Variants in KLHDC2 observed in about 807,000 individuals in gnomAD.
KLHDC2 encodes kelch domain-containing protein 2.
Under a neutral mutation model 62.3 loss-of-function variants are expected in KLHDC2, and 38 were observed. The ratio of observed to expected loss-of-function variants is 0.61; its 90% confidence interval spans 0.47 to 0.80. The LOEUF is 0.80. Among genes scored for constraint, KLHDC2 ranks in the 30% least tolerant of loss-of-function variants. KLHDC2 has a pLI of 0.00. For synonymous variants in KLHDC2, 159 were observed against 161.0 expected (o/e 0.99, Z 0.09); for missense variants, 430 against 495.3 (o/e 0.87, Z 1.25).
intron 1 of KLHDC2, among the ~76,000 whole-genome samples, chr14:49,770,121 T>C (rs893249505): frequency 3.3e-5 from 5 of 151,716 alleles, no homozygotes; most frequent in Non-Finnish European, 7.4e-5. Flanking sequence ...ACTTTGGGAG[T>C]GGGGCAGGGG....
intron 6 of KLHDC2, among the ~76,000 whole-genome samples, chr14:49,778,827 G>A (rs1889826453): frequency 6.6e-6 from 1 of 151,692 alleles, no homozygotes; most frequent in South Asian, 2.1e-4. Context: ...AGGTTCAAGC[G>A]ATTCTCCTGC....
At chr14:49,769,507 A>G (rs1337564977) in intron 1 of KLHDC2, among the ~76,000 whole-genome samples, 2 of 152,200 alleles carry the variant, frequency 1.3e-5, no homozygotes, top group African/African-American at 4.8e-5. Context: ...TGACTTGATC[A>G]TAGTTGACCA....
chr14:49,785,393 T>G lies in KLHDC2; in HGVS notation c.*2440T>G, dbSNP rs905490354. ...ACAAAAAATGCTAAAACACTTGAAT[T>G]AGTATCTCAACATATTTTTTATCTT... On this transcript the variant is annotated 3_prime_UTR_variant, in exon 13 of 13. Coordinates refer to ENST00000298307, the MANE Select transcript of KLHDC2 (RefSeq NM_014315.3). The G allele has an allele frequency of 1.4e-5, 13 of 955,222 alleles. No homozygotes were observed. The highest frequency in any genetic ancestry group is 1.9e-5 in the Non-Finnish European group (11 of 584,558). 59.2% of individuals were successfully genotyped at this position (955,222 alleles called of 1,614,324 possible). A position where few individuals can be genotyped will look rare whatever the true frequency, so the allele number is the denominator to read the frequency against.
intron 12 of KLHDC2, 24 bp from the exon 13 acceptor site, chr14:49,782,806 T>C (rs531289598): frequency 1.2e-6 from 2 of 1,604,474 alleles, no homozygotes; most frequent in Admixed American, 1.7e-5. Context: ...GAAATTACTT[T>C]TCTCTTTCCT....
chr14:49,778,156 G>C, intron 4 of KLHDC2, 22 bp from the exon 5 acceptor site: 1 of 1,505,834 alleles, frequency 6.6e-7, no homozygotes, highest in South Asian at 1.2e-5. Flanking sequence ...AATTTTTAGT[G>C]TCTTGGTTTT....
Position 49,784,693 on chromosome 14 carries a change from G to A in KLHDC2, c.*1740G>A. 2.5e-6 allele frequency: 4 copies of A among 1,612,726 alleles called. No homozygotes were observed. Among genetic ancestry groups the A allele is most frequent in the Non-Finnish European group, 3.4e-6 (4 of 1,179,046 alleles). On this transcript the variant is annotated 3_prime_UTR_variant, in exon 13 of 13. Transcript: ENST00000298307. ...CAGACACTTTCACTTTGCCAGGAAT[G>A]TTTCTTGATAAATCTGTGTCCTAAA...
chr14:49,772,028 T>C (rs192786859), intron 2 of KLHDC2, among the ~76,000 whole-genome samples: 138 of 152,242 alleles, frequency 9.1e-4, no homozygotes, highest in African/African-American at 3.0e-3. Context: ...AAGAAAAAAA[T>C]GTAAAACACT....
chr14:49,780,731 AAATG>A lies in KLHDC2; in HGVS notation c.917_920del (p.Glu306GlyfsTer26). On this transcript the variant is annotated frameshift_variant, in exon 10 of 13. Transcript: ENST00000298307. LOFTEE classifies it high-confidence loss of function. ...ATGCCTGGACTTACTGCATCAGTAA[AAATG>A]AATGGATACAATTTAATCATCCATA... is the stretch of plus-strand genomic sequence containing the variant. 1 of 1,609,324 alleles carries A rather than the reference AAATG, an allele frequency of 6.2e-7. No individual in the cohort carries two copies. The highest frequency in any genetic ancestry group is 2.2e-5 in the East Asian group (1 of 44,838).
rs1890158979 is a variant in KLHDC2 at position 49,785,959 on chromosome 14, A to C, written c.*3006A>C. 6.6e-6 allele frequency: 1 copy of C among 152,592 alleles called. No individual in the cohort carries two copies. The allele number at this position is 152,592 out of a possible 1,614,324, so 9.5% of individuals were successfully genotyped here. A position where few individuals can be genotyped will look rare whatever the true frequency, so the allele number is the denominator to read the frequency against. On this transcript the variant is annotated 3_prime_UTR_variant, in exon 13 of 13. Coordinates refer to ENST00000298307, the MANE Select transcript of KLHDC2 (RefSeq NM_014315.3). Reference sequence around the variant, plus strand: ...TTGCAGAAACCTGCTGTGGATTAAAATGATGCAATAATAACCACAAATAGA... The same window carrying C: ...TTGCAGAAACCTGCTGTGGATTAAACTGATGCAATAATAACCACAAATAGA...
intron 2 of KLHDC2, among the ~76,000 whole-genome samples, chr14:49,772,840 C>T (rs1889692096): frequency 6.6e-6 from 1 of 152,094 alleles, no homozygotes; most frequent in Admixed American, 6.6e-5. Context: ...CCTATAATCC[C>T]AGCTACTAGG....
chr14:49,779,833 C>A (rs942343196), intron 8 of KLHDC2, 27 bp downstream of exon 8: 4 of 1,556,672 alleles, frequency 2.6e-6, no homozygotes, highest in African/African-American at 1.4e-5. Context: ...ATACATTTTT[C>A]CAAAATTCAG....
In KLHDC2 at chr14:49,784,889, C is replaced by CA. The variant is rs1425265682; in HGVS notation, c.*1937dup. The CA allele has an allele frequency of 6.5e-7, 1 of 1,545,192 alleles. No homozygotes were observed. The highest frequency in any genetic ancestry group is 8.9e-7 in the Non-Finnish European group (1 of 1,119,732). The stretch of plus-strand genomic sequence containing the variant: ...CTGCTAACATTTTAAATTGTACTGT[C>CA]AGTCTCCACATTCCTTTTCTGAAGG... On this transcript the variant is annotated 3_prime_UTR_variant, in exon 13 of 13. Transcript: ENST00000298307.
intron 8 of KLHDC2, 44 bp from the exon 9 acceptor site, chr14:49,780,169 G>A (rs1441379876): frequency 8.4e-7 from 1 of 1,196,828 alleles, no homozygotes. Context: ...AAATACAGTA[G>A]CTGCTTCTAA....
At chr14:49,774,851 C>T in intron 3 of KLHDC2, 173 bp downstream of exon 3, 2 of 625,986 alleles carry the variant, frequency 3.2e-6, no homozygotes, top group South Asian at 3.9e-5. Flanking sequence ...TCTGTATTTA[C>T]CTAGGCATTA....
chr14:49,780,072 A>T, intron 8 of KLHDC2, 141 bp from the exon 9 acceptor site: 1 of 641,564 alleles, frequency 1.6e-6, no homozygotes, highest in Non-Finnish European at 2.7e-6. Flanking sequence ...TTCAGTATAA[A>T]GCATGTAGTT....
At chr14:49,781,803 T>C (rs1889916126) in intron 10 of KLHDC2, among the ~76,000 whole-genome samples, 1 of 152,114 alleles carries the variant, frequency 6.6e-6, no homozygotes, top group Admixed American at 6.6e-5. Context: ...AAAAAGCTTA[T>C]TAAACACTGA....
chr14:49,768,725 G>T (rs182332158), intron 1 of KLHDC2, 104 bp downstream of exon 1: 3 of 1,111,246 alleles, frequency 2.7e-6, no homozygotes, highest in Non-Finnish European at 3.6e-6. Flanking sequence ...GGCGCTCCCC[G>T]CCTGCGTCGC....
intron 2 of KLHDC2, among the ~76,000 whole-genome samples, chr14:49,772,754 C>G (rs760679659): frequency 4.0e-5 from 6 of 151,694 alleles, no homozygotes; most frequent in Non-Finnish European, 7.4e-5. Context: ...GTGAGGAGTT[C>G]AAGACCAGCC....
intron 2 of KLHDC2, among the ~76,000 whole-genome samples, chr14:49,772,521 T>TAG (rs1398949526): frequency 1.3e-5 from 2 of 152,276 alleles, no homozygotes; most frequent in African/African-American, 2.4e-5. Flanking sequence ...ATGTCCCTGG[T>TAG]AGAATCAAGG....
Sources: allele counts gnomAD v4.1 joint callset (sites outside exome capture counted in the v4.1 genomes callset), GRCh38; gene constraint gnomAD v4.1.1; transcripts MANE v1.5; gene names NCBI Gene and HGNC (gene_info 2026-07-23, HGNC 2026-07-21).